Variants in PIK3C2G observed in about 807,000 individuals in gnomAD.
PIK3C2G encodes the protein phosphatidylinositol-4-phosphate 3-kinase catalytic subunit type 2 gamma, also known as phosphatidylinositol 3-kinase C2 domain-containing subunit gamma.
A neutral mutation model predicts 181.1 loss-of-function variants in PIK3C2G; 168 were observed. That is an observed-to-expected ratio of 0.93 (90% CI 0.82 to 1.05). The LOEUF (loss-of-function observed/expected upper bound fraction) is 1.05, where lower values mean the gene tolerates loss of function less well. PIK3C2G is among the 50% of genes least tolerant of loss of function. PIK3C2G has a pLI of 0.00. For synonymous variants in PIK3C2G, 573 were observed against 592.2 expected, an observed-to-expected ratio of 0.97 and a Z score of 0.47; for missense variants, 1,869 against 1,732.8, an observed-to-expected ratio of 1.08 and a Z score of -1.40.
intron 5 of PIK3C2G, among the ~76,000 whole-genome samples, chr12:18,298,220 T>G (rs1396140107): frequency 6.6e-6 from 1 of 152,002 alleles, no homozygotes; most frequent in African/African-American, 2.4e-5. Flanking sequence ...TAACAGCCAT[T>G]CTAACAAGGG....
At chr12:18,719,545 T>C in the PIK3C2G span, 1 of 1,600,582 alleles carries the variant, frequency 6.2e-7, no homozygotes, top group African/African-American at 1.3e-5. Flanking sequence ...TTGATAAACT[T>C]TTCTACATTC....
intron 32 of PIK3C2G, among the ~76,000 whole-genome samples, chr12:18,641,642 T>C (rs563255161): frequency 6.6e-6 from 1 of 152,090 alleles, no homozygotes; most frequent in African/African-American, 2.4e-5. Context: ...TTCCTGTACA[T>C]ACTCTCACAT....
At chr12:18,686,989 T>C in the PIK3C2G span, among the ~76,000 whole-genome samples, 1 of 151,982 alleles carries the variant, frequency 6.6e-6, no homozygotes, top group African/African-American at 2.4e-5. Flanking sequence ...GTGATGAAGA[T>C]TCAAGTAGAG....
upstream of PIK3C2G, among the ~76,000 whole-genome samples, chr12:18,245,976 A>C (rs1283338521): frequency 1.3e-5 from 2 of 152,154 alleles, no homozygotes; most frequent in African/African-American, 2.4e-5. Flanking sequence ...ATGATTTTAA[A>C]ATTTTTGGTA....
intron 16 of PIK3C2G, among the ~76,000 whole-genome samples, chr12:18,403,021 T>A (rs1235656267): frequency 6.6e-6 from 1 of 152,176 alleles, no homozygotes; most frequent in Non-Finnish European, 1.5e-5. Flanking sequence ...CAGGCATTCA[T>A]GAGAGCTTAT....
At chr12:18,460,623 C>CATAT (rs144060852) in intron 18 of PIK3C2G, among the ~76,000 whole-genome samples, 6,547 of 136,002 alleles carry the variant, frequency 0.048, 335 homozygotes, top group African/African-American at 0.13. Flanking sequence ...ACATCATATT[C>CATAT]ATATATATAT....
chr12:18,356,091 A>G (rs1472825269), intron 11 of PIK3C2G, among the ~76,000 whole-genome samples: 2 of 152,176 alleles, frequency 1.3e-5, no homozygotes, highest in Non-Finnish European at 2.9e-5. Context: ...CATGACAACT[A>G]GACCTCCAGG....
intron 16 of PIK3C2G, among the ~76,000 whole-genome samples, chr12:18,408,871 T>C (rs1944695195): frequency 6.6e-6 from 1 of 152,156 alleles, no homozygotes; most frequent in Non-Finnish European, 1.5e-5. Context: ...ACAGTTAGAA[T>C]GGCGATCATT....
chr12:18,432,044 G>A (rs1946191120), intron 18 of PIK3C2G, among the ~76,000 whole-genome samples: 1 of 152,142 alleles, frequency 6.6e-6, no homozygotes, highest in Non-Finnish European at 1.5e-5. Flanking sequence ...TACAGGAACA[G>A]TTGTTTTTGT....
chr12:18,723,494 C>T, the PIK3C2G span: 1 of 1,612,816 alleles, frequency 6.2e-7, no homozygotes, highest in South Asian at 1.1e-5. Flanking sequence ...CGATAAATTG[C>T]TCTAAATTCT....
In PIK3C2G at chr12:18,467,486, G is replaced by GT. The variant is rs36102724; in HGVS notation, c.2505-20951dup. Among the ~76,000 whole-genome samples, 437 of 146,014 alleles carry GT rather than the reference G, an allele frequency of 3.0e-3. 3 individuals carry two copies. Among genetic ancestry groups the GT allele is most frequent in the African/African-American group, 5.3e-3 (213 of 40,124 alleles). On this transcript the variant is annotated intron_variant, in intron 18 of 32. Transcript: ENST00000538779. The stretch of plus-strand genomic sequence containing the variant: ...TTGTTTTACAAAATTTTATTTACAG[G>GT]TTTTTTTTTTTTCAGACACTTTTCA...
In PIK3C2G at chr12:18,355,690, T is replaced by C. The variant is rs894201946; in HGVS notation, c.1626-7074T>C. Among the ~76,000 whole-genome samples the C allele has an allele frequency of 2.6e-5, 4 of 152,286 alleles. No individual in the cohort carries two copies. In the South Asian group the frequency reaches 6.2e-4, roughly 24 times the overall value. ...ACGGACATGCCCAGGCACCCAAGCC[T>C]GGAGGGGAGGGGATGAGAAGGGAAC... is the stretch of plus-strand genomic sequence containing the variant. On this transcript the variant is annotated intron_variant, in intron 11 of 32. Coordinates refer to ENST00000538779, the MANE Select transcript of PIK3C2G (RefSeq NM_001288772.2).
Position 18,290,916 on chromosome 12 carries a change from A to G in PIK3C2G, c.823A>G (p.Thr275Ala), listed in dbSNP as rs1337759115. The change falls in exon 4 of 33, where the codon ACT becomes GCT. Residue 275 changes from threonine to alanine, a missense_variant. Coordinates refer to ENST00000538779, the MANE Select transcript of PIK3C2G (RefSeq NM_001288772.2). ...CAATTCTGGGAAGATCTGGAGCACTACTACAGCATTTCCGTATCAGCTCTT... is the reference window on the plus strand; with the variant it reads ...CAATTCTGGGAAGATCTGGAGCACTGCTACAGCATTTCCGTATCAGCTCTT... ...NFNSGKIWSTTTAFPYQLFSK... is the reference protein window; with the variant it reads ...NFNSGKIWSTATAFPYQLFSK... The G allele has an allele frequency of 1.9e-6, 3 of 1,592,354 alleles. No homozygotes were observed. Among genetic ancestry groups the G allele is most frequent in the Admixed American group, 3.3e-5 (2 of 59,926 alleles).
At chr12:18,712,771 G>T in the PIK3C2G span, 1 of 1,548,360 alleles carries the variant, frequency 6.5e-7, no homozygotes, top group South Asian at 1.1e-5. Flanking sequence ...AAGCATTATA[G>T]GATTTTGAAG....
intron 16 of PIK3C2G, among the ~76,000 whole-genome samples, chr12:18,405,307 G>T (rs1257250583): frequency 1.3e-5 from 2 of 152,194 alleles, no homozygotes; most frequent in African/African-American, 4.8e-5. Flanking sequence ...AGCTACGGAA[G>T]TAGAGGATGT....
intron 18 of PIK3C2G, among the ~76,000 whole-genome samples, chr12:18,473,972 G>T (rs187903517): frequency 6.6e-6 from 1 of 151,948 alleles, no homozygotes; most frequent in African/African-American, 2.4e-5. Flanking sequence ...TTTTTCATTG[G>T]GTCATATTTG....
At chr12:18,712,723 C>T in the PIK3C2G span, 1 of 1,275,226 alleles carries the variant, frequency 7.8e-7, no homozygotes, top group Non-Finnish European at 1.1e-6. Flanking sequence ...ACTAATGGAT[C>T]ATAACCCACA....
chr12:18,303,482 C>T (rs549759900), intron 5 of PIK3C2G, among the ~76,000 whole-genome samples: 3 of 152,036 alleles, frequency 2.0e-5, no homozygotes, highest in South Asian at 4.2e-4. Context: ...ATTACAGGCA[C>T]GCACCACCAC....
At chr12:18,502,696 G>T (rs1425770788) in intron 22 of PIK3C2G, among the ~76,000 whole-genome samples, 1 of 152,066 alleles carries the variant, frequency 6.6e-6, no homozygotes, top group Non-Finnish European at 1.5e-5. Flanking sequence ...ATCAATATAT[G>T]CTCCCTTTAA....
Sources: gnomAD v4.1 joint callset for allele counts (sites outside exome capture counted in the v4.1 genomes callset) on GRCh38, gnomAD v4.1.1 for gene constraint, MANE v1.5 for transcripts, NCBI Gene and HGNC (gene_info 2026-07-23, HGNC 2026-07-21) for gene names.